The following PHACTR3 variants were observed in gnomAD, a reference collection of about 807,000 sequenced individuals.
PHACTR3 encodes the protein phosphatase and actin regulator 3.
In PHACTR3, 16 loss-of-function variants were observed where a neutral mutation model predicts 66.8. That is an observed-to-expected ratio of 0.24 (90% confidence interval 0.16 to 0.36). PHACTR3 has a LOEUF of 0.36. Ranked by LOEUF, PHACTR3 falls within the 10% of genes least tolerant of loss-of-function variation. PHACTR3 has a pLI of 1.00. For synonymous variants in PHACTR3, 323 were observed against 292.1 expected (o/e 1.11, Z -1.08); for missense variants, 647 against 719.9 (o/e 0.90, Z 1.16).
At chr20:59,577,691 A>G in intron 1 of PHACTR3, 1 of 1,007,686 alleles carries the variant, frequency 9.9e-7, no homozygotes, top group Non-Finnish European at 1.2e-6. Flanking sequence ...GCGCTGGGGG[A>G]CGACTCCTCC....
intron 1 of PHACTR3, among the ~76,000 whole-genome samples, chr20:59,641,248 C>G (rs2035091401): frequency 6.6e-6 from 1 of 152,026 alleles, no homozygotes; most frequent in African/African-American, 2.4e-5. Context: ...ATGTATGTCT[C>G]TCTCTCTCTA....
At chr20:59,644,759 G>A (rs944537454) in intron 1 of PHACTR3, among the ~76,000 whole-genome samples, 2 of 152,188 alleles carry the variant, frequency 1.3e-5, no homozygotes, top group Non-Finnish European at 2.9e-5. Context: ...GTGGTTCTCT[G>A]TCGCTTCTCC....
intron 1 of PHACTR3, among the ~76,000 whole-genome samples, chr20:59,579,850 T>G (rs2032811624): frequency 1.3e-5 from 2 of 152,030 alleles, no homozygotes; most frequent in Non-Finnish European, 2.9e-5. Context: ...GTCTGAGCAC[T>G]GGGTGGATGG....
chr20:59,675,018 A>ATTCTCCTCCCTGTTCCTCCCCC (rs2036402725), intron 1 of PHACTR3, among the ~76,000 whole-genome samples: 24 of 47,768 alleles, frequency 5.0e-4, no homozygotes, highest in African/African-American at 1.5e-3. Context: ...GTTCCTCCCC[A>ATTCTCCTCCCTGTTCCTCCCCC]TTCTCCTCCC....
chr20:59,595,813 T>C lies in PHACTR3; in HGVS notation c.109+18196T>C, dbSNP rs1347973171. ...AGGATTATTATGTCTTTTTGGAGAA[T>C]TGACTCCTTTATCGTTATGTAATGC... is the stretch of plus-strand genomic sequence containing the variant. On this transcript the variant is annotated intron_variant, in intron 1 of 12. Transcript: ENST00000359926. Among the ~76,000 whole-genome samples the C allele has an allele frequency of 2.6e-5, 4 of 152,356 alleles. No homozygotes were observed. In the South Asian group the frequency reaches 6.2e-4, roughly 24 times the overall value.
chr20:59,733,817 C>G (rs971561678), intron 1 of PHACTR3, among the ~76,000 whole-genome samples: 3 of 152,182 alleles, frequency 2.0e-5, no homozygotes, highest in African/African-American at 7.2e-5. Context: ...CAAATTCATG[C>G]CAGGTGCTCA....
rs2039015584 is a variant in PHACTR3 at position 59,738,015 on chromosome 20, A to T, written c.119-5092A>T. ...GGGCAGAAGTGGGGGGAGGCAGCTG[A>T]TTAAAATAGTGCAGGTAGTGACGGT... On this transcript the variant is annotated intron_variant, in intron 1 of 12. Transcript: ENST00000371015. This position sits in a 1 kb window ranked among gnomAD's most constrained non-coding sequence, Gnocchi z 4.4. Among the ~76,000 whole-genome samples, 1 of 152,142 alleles carries T rather than the reference A, an allele frequency of 6.6e-6. No individual in the cohort carries two copies. The highest frequency in any genetic ancestry group is 2.4e-5 in the African/African-American group (1 of 41,444).
intron 8 of PHACTR3, among the ~76,000 whole-genome samples, chr20:59,819,968 A>G (rs1314255215): frequency 1.3e-5 from 2 of 151,922 alleles, no homozygotes; most frequent in African/African-American, 4.8e-5. Context: ...GCAATTTATG[A>G]TTTTCTTCCT....
At chr20:59,724,417 G>A (rs1370634775) in intron 1 of PHACTR3, among the ~76,000 whole-genome samples, 1 of 152,146 alleles carries the variant, frequency 6.6e-6, no homozygotes, top group African/African-American at 2.4e-5. Flanking sequence ...TGAGAGTAAT[G>A]TTTTTTAAAA....
chr20:59,647,091 A>T (rs2146440106), intron 1 of PHACTR3, among the ~76,000 whole-genome samples: 1 of 152,352 alleles, frequency 6.6e-6, no homozygotes, highest in Middle Eastern at 3.4e-3. Context: ...AGACATATCT[A>T]GGACTGGGTA....
intron 1 of PHACTR3, among the ~76,000 whole-genome samples, chr20:59,725,461 C>T (rs1024033611): frequency 3.9e-5 from 6 of 152,098 alleles, no homozygotes; most frequent in Non-Finnish European, 8.8e-5. Context: ...AGGCTGTGAA[C>T]CCAGGTGGGC....
chr20:59,755,549 TTTCTC>T (rs1452572043), intron 4 of PHACTR3, among the ~76,000 whole-genome samples, 185 bp downstream of exon 4: 2 of 152,302 alleles, frequency 1.3e-5, no homozygotes, highest in South Asian at 2.1e-4. Flanking sequence ...CTGGGGCACT[TTTCTC>T]TACTGTCTCT....
chr20:59,703,492 G>A (rs1220685743), intron 1 of PHACTR3, among the ~76,000 whole-genome samples: 2 of 152,174 alleles, frequency 1.3e-5, no homozygotes, highest in Non-Finnish European at 2.9e-5. Flanking sequence ...TAGTGAGATC[G>A]TTGTGTAATT....
intron 7 of PHACTR3, among the ~76,000 whole-genome samples, chr20:59,784,306 G>A (rs1025963400): frequency 7.2e-6 from 1 of 138,038 alleles, no homozygotes; most frequent in African/African-American, 3.4e-5. Flanking sequence ...ATATATGTGT[G>A]TGTGTGGATG....
intron 7 of PHACTR3, among the ~76,000 whole-genome samples, chr20:59,804,439 G>A (rs930344779): frequency 1.2e-4 from 19 of 152,170 alleles, no homozygotes; most frequent in Admixed American, 9.8e-4. Context: ...TTATGTTTAA[G>A]CATACCATAG....
intron 4 of PHACTR3, among the ~76,000 whole-genome samples, chr20:59,766,253 CG>C (rs2040177876): frequency 6.6e-6 from 1 of 152,178 alleles, no homozygotes; most frequent in African/African-American, 2.4e-5. Context: ...CTCCTGGCCA[CG>C]GGTCCTGCAG....
chr20:59,679,541 C>T (rs539885006), intron 1 of PHACTR3, among the ~76,000 whole-genome samples: 2 of 151,834 alleles, frequency 1.3e-5, no homozygotes, highest in South Asian at 2.1e-4. Context: ...AAATCAAGGT[C>T]ACCCACATGT....
intron 1 of PHACTR3, among the ~76,000 whole-genome samples, chr20:59,629,201 G>C (rs1600954784): frequency 1.3e-5 from 2 of 152,344 alleles, no homozygotes; most frequent in Non-Finnish European, 2.9e-5. Context: ...ATGCCCACCT[G>C]CTTCCTTTTC....
At chr20:59,621,922 C>T (rs1377931464) in intron 1 of PHACTR3, among the ~76,000 whole-genome samples, 2 of 152,232 alleles carry the variant, frequency 1.3e-5, no homozygotes, top group African/African-American at 4.8e-5. Context: ...AAGGCACAGC[C>T]TCTGAGACTC....
Sources: allele counts gnomAD v4.1 joint callset (sites outside exome capture counted in the v4.1 genomes callset), GRCh38; gene constraint gnomAD v4.1.1; non-coding constraint Gnocchi (gnomAD v3.1); transcripts MANE v1.5; gene names NCBI Gene and HGNC (gene_info 2026-07-23, HGNC 2026-07-21).